The following FSIP1 variants were observed in gnomAD, a reference collection of about 807,000 sequenced individuals.
FSIP1 encodes the protein fibrous sheath interacting protein 1.
A neutral mutation model predicts 60.9 loss-of-function variants in FSIP1; 65 were observed. The observed-to-expected ratio is 1.07, with a 90% CI of 0.87 to 1.31. The LOEUF is 1.31. Among genes scored for constraint, FSIP1 ranks in the 40% most tolerant of loss-of-function variants. FSIP1 has a pLI of 0.00. For missense variants in FSIP1, 675 were observed against 665.5 expected, an observed-to-expected ratio of 1.01 and a Z score of -0.16; for synonymous variants, 209 against 221.2, an observed-to-expected ratio of 0.94 and a Z score of 0.49.
At chr15:39,776,600 A>G in intron 1 of FSIP1, 69 bp from the exon 2 acceptor site, 1 of 1,332,044 alleles carries the variant, frequency 7.5e-7, no homozygotes, top group Non-Finnish European at 1.0e-6. Context: ...AGTTAGTATT[A>G]ATATCCAATT....
chr15:39,599,267 C>T (rs1269772858), downstream of FSIP1: 2 of 152,102 alleles, frequency 1.3e-5, no homozygotes, highest in Admixed American at 1.3e-4. Context: ...ACTTAGTTAC[C>T]AGTCCTTGTT....
At chr15:39,665,547 A>G (rs1286822468) in intron 10 of FSIP1, among the ~76,000 whole-genome samples, 5 of 152,232 alleles carry the variant, frequency 3.3e-5, no homozygotes, top group Non-Finnish European at 7.3e-5. Flanking sequence ...TTGTAATGAG[A>G]AAACGGAAAA....
chr15:39,709,998 A>G (rs992526756), intron 10 of FSIP1, among the ~76,000 whole-genome samples: 1 of 152,206 alleles, frequency 6.6e-6, no homozygotes. Context: ...GGCTATTAAC[A>G]AAACTGAAAC....
intron 10 of FSIP1, among the ~76,000 whole-genome samples, chr15:39,670,250 A>G (rs1391699705): frequency 6.6e-6 from 1 of 152,202 alleles, no homozygotes; most frequent in East Asian, 1.9e-4. Flanking sequence ...TTCAAATATT[A>G]TTTAGTGAGC....
chr15:39,749,819 G>A (rs1396910088), intron 5 of FSIP1, among the ~76,000 whole-genome samples: 1 of 151,886 alleles, frequency 6.6e-6, no homozygotes, highest in Non-Finnish European at 1.5e-5. Flanking sequence ...AGAGCAATCT[G>A]ACAAGGAAAA....
intron 11 of FSIP1, among the ~76,000 whole-genome samples, chr15:39,610,306 C>T (rs1890981000): frequency 6.6e-6 from 1 of 152,046 alleles, no homozygotes; most frequent in Non-Finnish European, 1.5e-5. Flanking sequence ...ATGACAACAT[C>T]CAGGTATAGA....
intron 5 of FSIP1, among the ~76,000 whole-genome samples, chr15:39,753,398 T>C (rs1432060416): frequency 1.3e-5 from 2 of 151,624 alleles, no homozygotes; most frequent in East Asian, 3.9e-4. Context: ...TCACCCCCTA[T>C]ACCATAACAA....
Position 39,617,972 on chromosome 15 carries a change from A to G in FSIP1, c.1462T>C (p.Leu488=). ...GCTTCTGACATGTTATGTCCAGTCA[A>G]GGCTTTAGTGAGATAGTAGCCTTTA... The part of the protein sequence containing the change: ...ASKGYYLTKA[L]TGHNMSEALV... The change falls in exon 11 of 12, where the codon TTG becomes CTG. Residue 488 remains leucine (L), a synonymous_variant. Transcript: ENST00000350221. 6.2e-7 allele frequency: 1 copy of G among 1,614,214 alleles called. No individual in the cohort carries two copies. The highest frequency in any genetic ancestry group is 8.5e-7 in the Non-Finnish European group (1 of 1,180,040).
chr15:39,760,517 T>C (rs1266070244), intron 5 of FSIP1, among the ~76,000 whole-genome samples: 1 of 152,154 alleles, frequency 6.6e-6, no homozygotes, highest in African/African-American at 2.4e-5. Context: ...ACTTCCAGAG[T>C]ATGCTTGCCA....
At chr15:39,709,242 C>T (rs1895398480) in intron 10 of FSIP1, among the ~76,000 whole-genome samples, 1 of 152,172 alleles carries the variant, frequency 6.6e-6, no homozygotes, top group Non-Finnish European at 1.5e-5. Context: ...AATTCAGTGG[C>T]CACAGATTAC....
chr15:39,619,892 G>A (rs1891379563), intron 10 of FSIP1, among the ~76,000 whole-genome samples: 1 of 152,020 alleles, frequency 6.6e-6, no homozygotes, highest in African/African-American at 2.4e-5. Flanking sequence ...AGCAGGAGGA[G>A]GTCTCTAGGG....
chr15:39,599,537 CCTT>C (rs1163884881), downstream of FSIP1: 1 of 142,710 alleles, frequency 7.0e-6, no homozygotes, highest in Non-Finnish European at 1.5e-5. Flanking sequence ...CCTCCCTCCT[CCTT>C]CTTTCTCTCT....
At chr15:39,709,654 T>C (rs569072467) in intron 10 of FSIP1, among the ~76,000 whole-genome samples, 56 of 151,654 alleles carry the variant, frequency 3.7e-4, no homozygotes, top group South Asian at 1.0e-3. Context: ...CTTTAGGCAA[T>C]AGGGGGAGGG....
chr15:39,753,430 GCACA>G (rs1256764960), intron 5 of FSIP1, among the ~76,000 whole-genome samples: 1 of 151,796 alleles, frequency 6.6e-6, no homozygotes, highest in Non-Finnish European at 1.5e-5. Context: ...ACCTGTGTGT[GCACA>G]CACAAACACA....
intron 9 of FSIP1, among the ~76,000 whole-genome samples, chr15:39,713,864 G>A (rs1393299158): frequency 6.6e-6 from 1 of 152,206 alleles, no homozygotes; most frequent in Non-Finnish European, 1.5e-5. Flanking sequence ...CTGGGTTCTG[G>A]TCCCTGCTCT....
intron 9 of FSIP1, among the ~76,000 whole-genome samples, chr15:39,721,781 G>A (rs1895993783): frequency 6.6e-6 from 1 of 152,202 alleles, no homozygotes; most frequent in South Asian, 2.1e-4. Flanking sequence ...TTCGGTAATT[G>A]TCAAGCAAGA....
At chr15:39,757,532 TATA>T (rs1456418440) in intron 5 of FSIP1, among the ~76,000 whole-genome samples, 10 of 152,108 alleles carry the variant, frequency 6.6e-5, no homozygotes, top group African/African-American at 2.2e-4. Context: ...AACAAATTAA[TATA>T]ATTAGGTTAA....
chr15:39,605,648 T>G (rs2140362909), intron 11 of FSIP1, among the ~76,000 whole-genome samples: 1 of 152,296 alleles, frequency 6.6e-6, no homozygotes, highest in South Asian at 2.1e-4. Flanking sequence ...AGAATACACA[T>G]GCCTTCTAAG....
In FSIP1 at chr15:39,607,312, A is replaced by G. The variant is rs1189857018; in HGVS notation, c.1700-6386T>C. 2.0e-5 allele frequency among the ~76,000 whole-genome samples: 3 copies of G among 152,346 alleles called. No individual in the cohort carries two copies. In the East Asian group the frequency reaches 5.8e-4, roughly 29 times the overall value. ...GGGTGAGTACGTTTATTTTAAAGGCATAGCATTGGAAGCCTGTCTGGCTGC... is the reference window on the plus strand; with the variant it reads ...GGGTGAGTACGTTTATTTTAAAGGCGTAGCATTGGAAGCCTGTCTGGCTGC... On this transcript the variant is annotated intron_variant, in intron 11 of 11. Transcript: ENST00000350221.
Sources: gnomAD v4.1 joint callset for allele counts (sites outside exome capture counted in the v4.1 genomes callset) on GRCh38, gnomAD v4.1.1 for gene constraint, MANE v1.5 for transcripts, NCBI Gene and HGNC (gene_info 2026-07-23, HGNC 2026-07-21) for gene names.